The following CYTL1 variants were observed in gnomAD, a reference collection of about 807,000 sequenced individuals.
CYTL1 encodes cytokine-like protein 1.
CYTL1 carries 17 observed loss-of-function variants against 13.1 expected under a neutral mutation model. That is an observed-to-expected ratio of 1.29 (90% CI 0.89 to 1.94). The LOEUF (loss-of-function observed/expected upper bound fraction) is 1.94, where lower values mean the gene tolerates loss of function less well. CYTL1 is among the 30% of genes most tolerant of loss of function. CYTL1 has a pLI of 0.00. For missense variants in CYTL1, 213 were observed against 174.8 expected (o/e 1.22, Z -1.23); for synonymous variants, 91 against 79.4 (o/e 1.15, Z -0.78).
At chr4:5,015,429 T>C (rs1294871983) in intron 3 of CYTL1, among the ~76,000 whole-genome samples, 195 bp from the exon 4 acceptor site, 3 of 72,604 alleles carry the variant, frequency 4.1e-5, no homozygotes, top group Non-Finnish European at 1.0e-4. Flanking sequence ...ATTTCCATAA[T>C]TTTCACTTCA....
In CYTL1 at chr4:5,014,928, C is replaced by T. The variant is rs1279658435; in HGVS notation, c.*223G>A. ...CATGCTGTGTATCTAACCATCCTGG[C>T]AAGACATGAGTCAAGGGAATGAGAA... On this transcript the variant is annotated 3_prime_UTR_variant, in exon 4 of 4. Transcript: ENST00000307746. 1.9e-6 allele frequency: 1 copy of T among 539,518 alleles called. No homozygotes were observed. Among genetic ancestry groups the T allele is most frequent in the Non-Finnish European group, 3.3e-6 (1 of 302,480 alleles). 33.4% of individuals were successfully genotyped at this position (539,518 alleles called of 1,614,324 possible). A position where few individuals can be genotyped will look rare whatever the true frequency, so the allele number is the denominator to read the frequency against.
At chr4:5,019,093 T>A (rs1741141071) in intron 1 of CYTL1, among the ~76,000 whole-genome samples, 200 bp downstream of exon 1, 1 of 151,790 alleles carries the variant, frequency 6.6e-6, no homozygotes, top group Non-Finnish European at 1.5e-5. Flanking sequence ...CTTTACTTTT[T>A]CTTGTGTTTT....
Position 5,017,328 on chromosome 4 carries a change from T to C in CYTL1, c.154-149A>G, listed in dbSNP as rs1318928452. The C allele has an allele frequency of 4.8e-6, 3 of 631,556 alleles. No homozygotes were observed. The African/African-American group carries it at 5.5e-5, about 12-fold the overall frequency. The allele number at this position is 631,556 out of a possible 1,614,324, so 39.1% of individuals were successfully genotyped here. Reference sequence around the variant, plus strand: ...ACATGCACAGTACTTTCTTGTGTCATACGTCACACTCCTCCAGAAATGGGC... The same window carrying C: ...ACATGCACAGTACTTTCTTGTGTCACACGTCACACTCCTCCAGAAATGGGC... On this transcript the variant is annotated intron_variant, in intron 1 of 3. Coordinates refer to ENST00000307746, the MANE Select transcript of CYTL1 (RefSeq NM_018659.3).
At position 5,016,606 on chromosome 4, in the gene CYTL1, G is replaced by A. The variant is rs116044410; in HGVS notation, c.327+230C>T. On this transcript the variant is annotated intron_variant, in intron 3 of 3. Transcript: ENST00000307746. ...TGTGGCTGGGGTGTGGTCCTGGGGT[G>A]TAGCCCCTGCATCAATGCGCAGCTC... Among the ~76,000 whole-genome samples the A allele has an allele frequency of 4.4e-3, 664 of 152,240 alleles. 6 individuals carry two copies. Among genetic ancestry groups the A allele is most frequent in the African/African-American group, 0.013 (547 of 41,510 alleles).
At chr4:5,018,512 A>G (rs1008712207) in intron 1 of CYTL1, among the ~76,000 whole-genome samples, 2 of 152,280 alleles carry the variant, frequency 1.3e-5, no homozygotes, top group Admixed American at 6.5e-5. Flanking sequence ...AGTGATTAAA[A>G]GACACTTTGA....
intron 1 of CYTL1, among the ~76,000 whole-genome samples, chr4:5,017,436 C>A (rs116765458): frequency 1.6e-4 from 24 of 152,158 alleles, no homozygotes; most frequent in Admixed American, 1.5e-3. Flanking sequence ...ATATGCATAC[C>A]CATTCAGAAA....
At chr4:5,016,793 C>A (rs1741082241) in intron 3 of CYTL1, 43 bp downstream of exon 3, 2 of 1,610,784 alleles carry the variant, frequency 1.2e-6, no homozygotes, top group Non-Finnish European at 8.5e-7. Flanking sequence ...AAAGTCTTGG[C>A]TGATAGCAAG....
At chr4:5,019,009 T>C (rs970312931) in intron 1 of CYTL1, among the ~76,000 whole-genome samples, 150 of 138,804 alleles carry the variant, frequency 1.1e-3, no homozygotes, top group African/African-American at 3.4e-3. Flanking sequence ...TTTTCTTTTT[T>C]TTTTTTTTTT....
chr4:5,015,569 A>T (rs761865034), intron 3 of CYTL1, among the ~76,000 whole-genome samples: 3 of 152,222 alleles, frequency 2.0e-5, no homozygotes, highest in Middle Eastern at 3.2e-3. Flanking sequence ...TGGGTCAGGC[A>T]TTGGAATGAC....
intron 3 of CYTL1, among the ~76,000 whole-genome samples, chr4:5,016,247 A>T (rs1402759611): frequency 6.6e-6 from 1 of 152,168 alleles, no homozygotes; most frequent in Non-Finnish European, 1.5e-5. Context: ...CCATGCTCTT[A>T]GACTACCCCC....
chr4:5,016,797 T>C lies in CYTL1; in HGVS notation c.327+39A>G, dbSNP rs1174748016. 3 of 1,612,052 alleles carry C rather than the reference T, an allele frequency of 1.9e-6. No individual in the cohort carries two copies. In the South Asian group the frequency reaches 3.3e-5, roughly 18 times the overall value. ...GAAAAGCTCAGAAAGTCTTGGCTGA[T>C]AGCAAGTAGAAAATAGACTTTCAAT... On this transcript the variant is annotated intron_variant, in intron 3 of 3. Transcript: ENST00000307746.
At position 5,016,888 on chromosome 4, in the gene CYTL1, A is replaced by G. The variant is rs1326307956; in HGVS notation, c.275T>C (p.Leu92Ser). Residue 92 changes from leucine (L) to serine (S), a missense_variant, in exon 3 of 4, where the codon TTG (leucine) becomes TCG (serine). Physicochemically the swap from Leu to Ser is moderately radical, Grantham distance 145. Coordinates refer to ENST00000307746, the MANE Select transcript of CYTL1 (RefSeq NM_018659.3). Reference sequence around the variant, plus strand: ...GTACAGCTTCCGTGCTTTGTCCTTCAAGGAATCTACCTGGGCCACTTTCCA... The same window carrying G: ...GTACAGCTTCCGTGCTTTGTCCTTCGAGGAATCTACCTGGGCCACTTTCCA... ...PCWKVAQVDSLKDKARKLYTI... is the reference protein window; with the variant it reads ...PCWKVAQVDSSKDKARKLYTI... 39 of 1,614,106 alleles carry G rather than the reference A, an allele frequency of 2.4e-5. No individual in the cohort carries two copies. Among genetic ancestry groups the G allele is most frequent in the Non-Finnish European group, 3.3e-5 (39 of 1,180,060 alleles).
rs774236287 is a variant in CYTL1 at position 5,019,396 on chromosome 4, G to A, written c.50C>T (p.Ala17Val). 49 of 1,492,234 alleles carry A rather than the reference G, an allele frequency of 3.3e-5. No individual in the cohort carries two copies. The highest frequency in any genetic ancestry group is 3.5e-5 in the Non-Finnish European group (40 of 1,129,000). 92.4% of individuals were successfully genotyped at this position (1,492,234 alleles called of 1,614,324 possible). The part of the protein sequence containing the change: ...LPVLLLLLAG[A>V]PAARPTPPTC... ...CGGGGGAGTGGGCCGCGCGGCGGGG[G>A]CTCCCGCCAGGAGCAGCAGCAGCAC... Residue 17 changes from alanine (A) to valine (V), a missense_variant, in exon 1 of 4, where the codon GCC (alanine) becomes GTC (valine). Ala to Val is a moderately conservative substitution (Grantham distance 64). Transcript: ENST00000307746.
intron 1 of CYTL1, among the ~76,000 whole-genome samples, chr4:5,018,056 C>T (rs1741116308): frequency 6.6e-6 from 1 of 152,212 alleles, no homozygotes; most frequent in African/African-American, 2.4e-5. Flanking sequence ...AAGATGATTG[C>T]TGTCTATATT....
intron 3 of CYTL1, among the ~76,000 whole-genome samples, 185 bp from the exon 4 acceptor site, chr4:5,015,419 A>AT (rs371633636): frequency 0.87 from 131,892 of 151,888 alleles, 58,189 homozygotes; most frequent in East Asian, 0.97. Flanking sequence ...ATAAAATTTC[A>AT]TTTCCATAAT....
intron 1 of CYTL1, among the ~76,000 whole-genome samples, chr4:5,019,003 C>CTTTTTTTTTTTTTTTTT (rs1186542271): frequency 6.9e-3 from 617 of 89,192 alleles, no homozygotes; most frequent in East Asian, 8.9e-3. Context: ...TTTCTTTTTT[C>CTTTTTTTTTTTTTTTTT]TTTTTTTTTT....
At chr4:5,016,815 C>T (rs2108733353) in intron 3 of CYTL1, 21 bp downstream of exon 3, 1 of 1,613,826 alleles carries the variant, frequency 6.2e-7, no homozygotes, top group Non-Finnish European at 8.5e-7. Flanking sequence ...AGAAAATAGA[C>T]TTTCAATGGC....
intron 1 of CYTL1, 142 bp downstream of exon 1, chr4:5,019,151 C>A: frequency 1.3e-6 from 1 of 754,570 alleles, no homozygotes; most frequent in Non-Finnish European, 1.9e-6. Context: ...ATGAATAAAA[C>A]ACAAATACTC....
At chr4:5,018,015 T>C (rs962809616) in intron 1 of CYTL1, among the ~76,000 whole-genome samples, 36 of 152,332 alleles carry the variant, frequency 2.4e-4, no homozygotes, top group African/African-American at 8.2e-4. Context: ...CCTCTGAACT[T>C]TTTAAACCTT....
Sources: gnomAD v4.1 joint callset for allele counts (sites outside exome capture counted in the v4.1 genomes callset) on GRCh38, gnomAD v4.1.1 for gene constraint, MANE v1.5 for transcripts, NCBI Gene and HGNC (gene_info 2026-07-23, HGNC 2026-07-21) for gene names.